Variants in FASTKD2 observed in about 807,000 individuals in gnomAD.
FASTKD2 encodes FAST kinase domains 2.
A neutral mutation model predicts 63.6 loss-of-function variants in FASTKD2; 51 were observed. The observed-to-expected ratio is 0.80, with a 90% confidence interval of 0.64 to 1.01. The LOEUF is 1.01. Among genes scored for constraint, FASTKD2 ranks in the 50% least tolerant of loss-of-function variants. FASTKD2 has a pLI of 0.00. For missense variants in FASTKD2, 786 were observed against 831.1 expected (o/e 0.95, Z 0.67); for synonymous variants, 284 against 293.4 (o/e 0.97, Z 0.33).
At position 206,791,920 on chromosome 2, in the gene FASTKD2, C is replaced by A; in HGVS notation, c.*118C>A. The A allele has an allele frequency of 1.1e-6, 1 of 878,412 alleles. No homozygotes were observed. The highest frequency in any genetic ancestry group is 1.8e-6 in the Non-Finnish European group (1 of 563,780). 54.4% of individuals were successfully genotyped at this position (878,412 alleles called of 1,614,324 possible). On this transcript the variant is annotated 3_prime_UTR_variant, in exon 12 of 12. Transcript: ENST00000402774. ...TAAGACAAAAAATGTTACCTCAGTT[C>A]ACTATTAAAATTAATTTTAGGAGTG...
In FASTKD2 at chr2:206,772,001, C is replaced by T. The variant is rs1689696493; in HGVS notation, c.1098C>T (p.Cys366=). The T allele has an allele frequency of 1.2e-6, 2 of 1,613,346 alleles. No individual in the cohort carries two copies. Residue 366 remains cysteine (C), a synonymous_variant, in exon 5 of 12, where the codon TGC becomes TGT. Transcript: ENST00000402774. ...NHRSLILLDE[C]SKVVLDNIHG... ...GATCTCTTATACTCCTGGATGAATG[C>T]AGTAAGGTGGTCCTAGGTAAGAGGA... is the stretch of plus-strand genomic sequence containing the variant.
chr2:206,766,980 G>A lies in FASTKD2; in HGVS notation c.287G>A (p.Ser96Asn). 1.2e-6 allele frequency: 2 copies of A among 1,612,206 alleles called. No individual in the cohort carries two copies. Among genetic ancestry groups the A allele is most frequent in the African/African-American group, 1.3e-5 (1 of 75,006 alleles). Residue 96 changes from serine to asparagine, a missense_variant, in exon 2 of 12, where the codon AGC (serine) becomes AAC (asparagine). Ser to Asn is a conservative substitution (Grantham distance 46). Coordinates refer to ENST00000402774, the MANE Select transcript of FASTKD2 (RefSeq NM_001136193.2). Reference sequence around the variant, plus strand: ...GTTGGCTTTCAAACAAAGGGCATAAGCACTCTAACAGCCCTTAGAATTGAA... The same window carrying A: ...GTTGGCTTTCAAACAAAGGGCATAAACACTCTAACAGCCCTTAGAATTGAA... ...SDVGFQTKGISTLTALRIERL... is the reference protein window; with the variant it reads ...SDVGFQTKGINTLTALRIERL...
intron 2 of FASTKD2, 96 bp from the exon 3 acceptor site, chr2:206,769,995 G>A (rs766523776): frequency 8.9e-6 from 7 of 790,156 alleles, no homozygotes; most frequent in African/African-American, 1.7e-5. Context: ...ATACTCAATC[G>A]TTTTATTCAG....
intron 7 of FASTKD2, among the ~76,000 whole-genome samples, chr2:206,786,299 T>C (rs1006434110): frequency 2.0e-5 from 3 of 152,202 alleles, no homozygotes; most frequent in Non-Finnish European, 2.9e-5. Context: ...ATAATTTTAG[T>C]TGGTTATAAA....
In FASTKD2 at chr2:206,767,283, A is replaced by T. The variant is rs1277869831; in HGVS notation, c.590A>T (p.Asp197Val). Reference sequence around the variant, plus strand: ...TGGACAATTGCCAAAAGACTGTCTGATGACCAGAAGCGCTTTGAAAAACGA... The same window carrying T: ...TGGACAATTGCCAAAAGACTGTCTGTTGACCAGAAGCGCTTTGAAAAACGA... ...AMWTIAKRLS[D>V]DQKRFEKRLM... The change falls in exon 2 of 12, where the codon GAT becomes GTT. Residue 197 changes from aspartate to valine, a missense_variant. By Grantham distance (152) the Asp-to-Val change is radical. Transcript: ENST00000402774. The T allele has an allele frequency of 1.9e-6, 3 of 1,614,214 alleles. No individual in the cohort carries two copies. In the African/African-American group the frequency reaches 4.0e-5, roughly 22 times the overall value.
chr2:206,788,717 G>T, intron 9 of FASTKD2, 102 bp from the exon 10 acceptor site: 1 of 655,782 alleles, frequency 1.5e-6, no homozygotes, highest in Non-Finnish European at 2.6e-6. Context: ...GGATGACAGA[G>T]CGAGACCACA....
intron 7 of FASTKD2, among the ~76,000 whole-genome samples, chr2:206,775,480 C>T (rs1689798722): frequency 6.6e-6 from 1 of 151,786 alleles, no homozygotes; most frequent in African/African-American, 2.4e-5. Flanking sequence ...AATAATCTTT[C>T]TAATGTATTG....
rs781152090 is a variant in FASTKD2 at position 206,788,041 on chromosome 2, C to T, written c.1699C>T (p.Arg567Trp). 71 of 1,613,408 alleles carry T rather than the reference C, an allele frequency of 4.4e-5. No homozygotes were observed. Among genetic ancestry groups the T allele is most frequent in the South Asian group, 2.3e-4 (21 of 91,070 alleles). The change falls in exon 9 of 12, where the codon CGG becomes TGG. Residue 567 changes from arginine to tryptophan, a missense_variant. Coordinates refer to ENST00000402774, the MANE Select transcript of FASTKD2 (RefSeq NM_001136193.2). Reference sequence around the variant, plus strand: ...AGCCTTGTCACTCCCACAGCTGCCGCGGGAGCTGCCATCGTCACATACAAA... The same window carrying T: ...AGCCTTGTCACTCCCACAGCTGCCGTGGGAGCTGCCATCGTCACATACAAA... ...DIALSLPQLP[R>W]ELPSSHTNAK...
At chr2:206,770,309 G>A (rs1689637224) in intron 3 of FASTKD2, 115 bp downstream of exon 3, 3 of 745,128 alleles carry the variant, frequency 4.0e-6, no homozygotes, top group Non-Finnish European at 4.9e-6. Context: ...GGGTTGGGGA[G>A]GCTTTGTTGG....
In FASTKD2 at chr2:206,767,015, T is replaced by C. The variant is rs753566860; in HGVS notation, c.322T>C (p.Tyr108His). 1 of 1,613,788 alleles carries C rather than the reference T, an allele frequency of 6.2e-7. No individual in the cohort carries two copies. Among genetic ancestry groups the C allele is most frequent in the South Asian group, 1.1e-5 (1 of 91,056 alleles). The change falls in exon 2 of 12, where the codon TAT (tyrosine) becomes CAT (histidine). Residue 108 changes from tyrosine to histidine, a missense_variant. Physicochemically the swap from Tyr to His is moderately conservative, Grantham distance 83 (BLOSUM62 2). Coordinates refer to ENST00000402774, the MANE Select transcript of FASTKD2 (RefSeq NM_001136193.2). ...AGCCCTTAGAATTGAAAGACTACTTTATGCTAAAAGACTGTTTTTTGACTC... is the reference window on the plus strand; with the variant it reads ...AGCCCTTAGAATTGAAAGACTACTTCATGCTAAAAGACTGTTTTTTGACTC... ...LTALRIERLL[Y>H]AKRLFFDSKQ...
rs1344911612 is a variant in FASTKD2 at position 206,794,575 on chromosome 2, C to T, written c.*2773C>T. 6.6e-6 allele frequency among the ~76,000 whole-genome samples: 1 copy of T among 152,052 alleles called. No individual in the cohort carries two copies. Among genetic ancestry groups the T allele is most frequent in the East Asian group, 1.9e-4 (1 of 5,180 alleles). On this transcript the variant is annotated 3_prime_UTR_variant, in exon 12 of 12. Coordinates refer to ENST00000402774, the MANE Select transcript of FASTKD2 (RefSeq NM_001136193.2). The stretch of plus-strand genomic sequence containing the variant: ...CTTGATTGAGACATTTACCAGCTCT[C>T]CGAATTCTCAGTAGTTACCACTGAA...
chr2:206,774,618 A>G (rs1253848755), intron 7 of FASTKD2, among the ~76,000 whole-genome samples: 1 of 151,954 alleles, frequency 6.6e-6, no homozygotes, highest in Non-Finnish European at 1.5e-5. Context: ...TTTATAATGT[A>G]TTAGTTAATT....
Position 206,786,758 on chromosome 2 carries a change from G to A in FASTKD2, c.1453G>A (p.Ala485Thr), listed in dbSNP as rs752440677. Residue 485 changes from alanine (A) to threonine (T), a missense_variant, in exon 8 of 12, where the codon GCT becomes ACT. Transcript: ENST00000402774. ...ACAGTTCGTGGAAGTTATGGCTAGT[G>A]CTCTGACTGGTTATCTTCACACTAT... ...KEQFVEVMAS[A>T]LTGYLHTISS... is the part of the protein sequence containing the mutation. 6.2e-7 allele frequency: 1 copy of A among 1,613,906 alleles called. No individual in the cohort carries two copies. The highest frequency in any genetic ancestry group is 1.1e-5 in the South Asian group (1 of 91,080).
Position 206,796,009 on chromosome 2 carries a change from A to G in FASTKD2, c.*4207A>G, listed in dbSNP as rs1002169891. On this transcript the variant is annotated 3_prime_UTR_variant, in exon 12 of 12. Transcript: ENST00000402774. ...TAAAGGCTGCTCCTTCAGCCTTTCC[A>G]TTCATCTTGTAAGCAGGAGGCTTCT... Among the ~76,000 whole-genome samples the G allele has an allele frequency of 2.0e-5, 3 of 152,292 alleles. No individual in the cohort carries two copies. The highest frequency in any genetic ancestry group is 3.4e-3 in the Middle Eastern group (1 of 294).
At chr2:206,770,837 G>A (rs1488443853) in intron 3 of FASTKD2, among the ~76,000 whole-genome samples, 3 of 152,038 alleles carry the variant, frequency 2.0e-5, no homozygotes, top group Non-Finnish European at 4.4e-5. Flanking sequence ...CGTTGACCCA[G>A]CTTGAAAAGG....
Position 206,771,981 on chromosome 2 carries a change from CTT to C in FASTKD2, c.1079_1080del (p.Leu360HisfsTer5). ...EVLAAMNHRS[L>X]ILLDECSKVV... ...ACTAGCTGCCATGAATCACCGATCTCTTATACTCCTGGATGAATGCAGTAAGG... is the reference window on the plus strand; with the variant it reads ...ACTAGCTGCCATGAATCACCGATCTCATACTCCTGGATGAATGCAGTAAGG... On this transcript the variant is annotated frameshift_variant, in exon 5 of 12. Transcript: ENST00000402774. LOFTEE classifies it high-confidence loss of function. 1 of 1,613,750 alleles carries C rather than the reference CTT, an allele frequency of 6.2e-7. No homozygotes were observed. The highest frequency in any genetic ancestry group is 8.5e-7 in the Non-Finnish European group (1 of 1,179,686).
At chr2:206,790,796 AT>A in intron 11 of FASTKD2, 110 bp downstream of exon 11, 1 of 760,758 alleles carries the variant, frequency 1.3e-6, no homozygotes, top group South Asian at 1.4e-5. Flanking sequence ...AATTGTCAGC[AT>A]TATTGGAATG....
At chr2:206,771,774 A>T in intron 4 of FASTKD2, 120 bp from the exon 5 acceptor site, 1 of 745,030 alleles carries the variant, frequency 1.3e-6, no homozygotes, top group Non-Finnish European at 2.3e-6. Context: ...GGATCACTTG[A>T]GCCTGGGAGG....
chr2:206,787,208 A>G (rs756004878), intron 8 of FASTKD2, among the ~76,000 whole-genome samples: 3 of 152,148 alleles, frequency 2.0e-5, no homozygotes, highest in Non-Finnish European at 4.4e-5. Flanking sequence ...TTATGCTTTG[A>G]TCAGAGCTGT....
Sources: allele counts gnomAD v4.1 joint callset (sites outside exome capture counted in the v4.1 genomes callset), GRCh38; gene constraint gnomAD v4.1.1; transcripts MANE v1.5; gene names NCBI Gene and HGNC (gene_info 2026-07-23, HGNC 2026-07-21).